The following SUPT3H variants were observed in gnomAD, a reference collection of about 807,000 sequenced individuals.
The protein encoded by SUPT3H is SPT3 homolog, SAGA and STAGA complex component, also known as transcription initiation protein SPT3 homolog.
SUPT3H carries 44 observed loss-of-function variants against 44.3 expected under a neutral mutation model. That is an observed-to-expected ratio of 0.99 (90% CI 0.78 to 1.28). SUPT3H has a LOEUF of 1.28. Among genes scored for constraint, SUPT3H ranks in the 50% most tolerant of loss-of-function variants. The pLI, the probability that SUPT3H is intolerant of heterozygous loss-of-function variation, is 0.00. For missense variants in SUPT3H, 380 were observed against 387.1 expected (o/e 0.98, Z 0.15); for synonymous variants, 124 against 125.6 (o/e 0.99, Z 0.09).
chr6:45,331,364 G>A (rs1237049795), intron 2 of SUPT3H, among the ~76,000 whole-genome samples: 1 of 151,898 alleles, frequency 6.6e-6, no homozygotes, highest in African/African-American at 2.4e-5. Context: ...GTAACTGCTT[G>A]AACATGATGT....
At chr6:44,832,575 C>T (rs191657980) in intron 10 of SUPT3H, among the ~76,000 whole-genome samples, 10 of 152,286 alleles carry the variant, frequency 6.6e-5, no homozygotes, top group Admixed American at 3.9e-4. Flanking sequence ...ACATCAGTTG[C>T]TCCTTTGTGA....
At chr6:44,889,340 G>T (rs1762881518) in intron 10 of SUPT3H, among the ~76,000 whole-genome samples, 1 of 152,142 alleles carries the variant, frequency 6.6e-6, no homozygotes, top group Non-Finnish European at 1.5e-5. Flanking sequence ...CAAAGTTGGA[G>T]GCATCACGCT....
intron 2 of SUPT3H, among the ~76,000 whole-genome samples, chr6:45,163,449 C>G (rs1261799286): frequency 6.6e-6 from 1 of 152,034 alleles, no homozygotes; most frequent in Non-Finnish European, 1.5e-5. Flanking sequence ...AATCAACTGC[C>G]AGTAAATACA....
At chr6:45,083,556 C>T (rs772396018) in intron 3 of SUPT3H, among the ~76,000 whole-genome samples, 3 of 152,032 alleles carry the variant, frequency 2.0e-5, no homozygotes, top group Non-Finnish European at 4.4e-5. Context: ...TTATTCCTAT[C>T]AAACTACCAA....
chr6:45,123,493 C>T (rs1219706948), intron 2 of SUPT3H, among the ~76,000 whole-genome samples: 2 of 151,680 alleles, frequency 1.3e-5, no homozygotes, highest in Admixed American at 1.3e-4. Context: ...CCCACCTAGG[C>T]CTCCCATAGT....
At chr6:45,140,100 C>T (rs1419310364) in intron 2 of SUPT3H, among the ~76,000 whole-genome samples, 2 of 151,988 alleles carry the variant, frequency 1.3e-5, no homozygotes, top group African/African-American at 2.4e-5. Flanking sequence ...ACTGATTATC[C>T]CCCACTTCAC....
chr6:45,284,471 C>T (rs868273775), intron 2 of SUPT3H, among the ~76,000 whole-genome samples: 56 of 152,164 alleles, frequency 3.7e-4, no homozygotes, highest in East Asian at 1.7e-3. Flanking sequence ...AACACCTCTA[C>T]GCAAATAAAC....
intron 2 of SUPT3H, among the ~76,000 whole-genome samples, chr6:45,340,581 C>A (rs1340897733): frequency 6.6e-6 from 1 of 152,066 alleles, no homozygotes; most frequent in Non-Finnish European, 1.5e-5. Context: ...ACCTCAGTCT[C>A]CCAAAGTGCT....
intron 2 of SUPT3H, among the ~76,000 whole-genome samples, chr6:45,203,643 T>A (rs1032663414): frequency 6.6e-6 from 1 of 152,198 alleles, no homozygotes; most frequent in Non-Finnish European, 1.5e-5. Flanking sequence ...ATGTCCGGAA[T>A]CTTTAACACG....
At chr6:45,241,508 T>C (rs945751982) in intron 2 of SUPT3H, among the ~76,000 whole-genome samples, 1 of 152,200 alleles carries the variant, frequency 6.6e-6, no homozygotes, top group Non-Finnish European at 1.5e-5. Context: ...ACTTTTAATC[T>C]ATAATCTATA....
intron 2 of SUPT3H, among the ~76,000 whole-genome samples, chr6:45,170,553 G>A (rs991755719): frequency 1.3e-5 from 2 of 152,216 alleles, no homozygotes; most frequent in Admixed American, 1.3e-4. Context: ...AAGCCCATCT[G>A]TGTAGTTTAT....
At chr6:45,145,982 G>A (rs1404614160) in intron 2 of SUPT3H, among the ~76,000 whole-genome samples, 1 of 152,098 alleles carries the variant, frequency 6.6e-6, no homozygotes, top group African/African-American at 2.4e-5. Flanking sequence ...CCTTACTCCT[G>A]TAAGAATGGC....
chr6:44,837,011 T>C (rs1202860521), intron 10 of SUPT3H, among the ~76,000 whole-genome samples: 1 of 152,204 alleles, frequency 6.6e-6, no homozygotes, highest in East Asian at 1.9e-4. Context: ...TAGGTTCACA[T>C]ACTGTTACCA....
intron 3 of SUPT3H, among the ~76,000 whole-genome samples, chr6:45,064,891 G>C (rs1164572836): frequency 1.4e-5 from 2 of 145,170 alleles, no homozygotes; most frequent in Non-Finnish European, 3.0e-5. Context: ...GTCAACATTA[G>C]ACAGATCAAC....
intron 2 of SUPT3H, among the ~76,000 whole-genome samples, chr6:45,259,507 CTTTTGGGGTTGGTTTACTCTATATCTAT>C (rs950144742): frequency 8.5e-5 from 13 of 152,052 alleles, no homozygotes; most frequent in Admixed American, 7.9e-4. Flanking sequence ...CTGTAATTGA[CTTTTGGGGTTGGTTTACTCTATATCTAT>C]TTTTGACCTC....
intron 2 of SUPT3H, among the ~76,000 whole-genome samples, chr6:45,222,728 G>A (rs565002327): frequency 6.6e-6 from 1 of 152,010 alleles, no homozygotes; most frequent in Admixed American, 6.6e-5. Context: ...ATGTGTTCAC[G>A]CAAAATTCTG....
intron 5 of SUPT3H, among the ~76,000 whole-genome samples, chr6:45,013,793 C>G (rs1783839203): frequency 6.6e-6 from 1 of 151,972 alleles, no homozygotes; most frequent in Non-Finnish European, 1.5e-5. Context: ...AATTGTTGCC[C>G]TAGAATAAGA....
At chr6:45,176,544 C>CG in intron 2 of SUPT3H, among the ~76,000 whole-genome samples, 1 of 150,216 alleles carries the variant, frequency 6.7e-6, no homozygotes, top group East Asian at 1.9e-4. Flanking sequence ...ACAAAGCAGC[C>CG]AGGAAGCTCG....
intron 2 of SUPT3H, among the ~76,000 whole-genome samples, chr6:45,311,451 A>C (rs964133825): frequency 1.3e-5 from 2 of 152,194 alleles, no homozygotes; most frequent in Non-Finnish European, 2.9e-5. Context: ...CAAATACAAG[A>C]AGCACAAAAA....
Sources: gnomAD v4.1 joint callset for allele counts (sites outside exome capture counted in the v4.1 genomes callset) on GRCh38, gnomAD v4.1.1 for gene constraint, MANE v1.5 for transcripts, NCBI Gene and HGNC (gene_info 2026-07-23, HGNC 2026-07-21) for gene names.